The following CNTNAP5 variants were observed in gnomAD, a reference collection of about 807,000 sequenced individuals.
CNTNAP5 encodes the protein contactin-associated protein-like 5.
CNTNAP5 carries 72 observed loss-of-function variants against 150.2 expected under a neutral mutation model. That is an observed-to-expected ratio of 0.48 (90% CI 0.40 to 0.58). The LOEUF (loss-of-function observed/expected upper bound fraction) is 0.58. Among genes scored for constraint, CNTNAP5 ranks in the 20% least tolerant of loss-of-function variants. CNTNAP5 has a pLI of 0.00. For synonymous variants in CNTNAP5, 672 were observed against 619.8 expected (o/e 1.08, Z -1.25); for missense variants, 1,636 against 1,626.2 (o/e 1.01, Z -0.10).
chr2:124,093,185 G>T (rs574155325), intron 1 of CNTNAP5, among the ~76,000 whole-genome samples: 26 of 152,304 alleles, frequency 1.7e-4, no homozygotes, highest in Admixed American at 1.3e-4. Flanking sequence ...GGCTTGTGGA[G>T]CTGACAACCT....
intron 3 of CNTNAP5, among the ~76,000 whole-genome samples, chr2:124,319,728 C>T (rs1397122857): frequency 6.6e-6 from 1 of 152,124 alleles, no homozygotes; most frequent in Non-Finnish European, 1.5e-5. Flanking sequence ...CATCACTAGC[C>T]TCTACCCACT....
intron 2 of CNTNAP5, among the ~76,000 whole-genome samples, chr2:124,222,241 G>C (rs115279068): frequency 6.6e-6 from 1 of 151,918 alleles, no homozygotes; most frequent in African/African-American, 2.4e-5. Context: ...ACTATTAATT[G>C]AAAGTAAGAA....
At chr2:124,122,009 G>A (rs568266305) in intron 1 of CNTNAP5, among the ~76,000 whole-genome samples, 1 of 152,278 alleles carries the variant, frequency 6.6e-6, no homozygotes, top group South Asian at 2.1e-4. Flanking sequence ...GCATTCTACT[G>A]GAGGTTTCAT....
chr2:124,477,503 G>T (rs1449511957), intron 7 of CNTNAP5, among the ~76,000 whole-genome samples: 1 of 152,044 alleles, frequency 6.6e-6, no homozygotes, highest in East Asian at 1.9e-4. Flanking sequence ...TGATGCTAGG[G>T]AGGGATTAAT....
chr2:124,814,482 G>GT (rs1159977577), intron 19 of CNTNAP5, among the ~76,000 whole-genome samples: 1 of 152,038 alleles, frequency 6.6e-6, no homozygotes, highest in East Asian at 1.9e-4. Flanking sequence ...CTAGCACAAT[G>GT]TGGGGGCCCA....
chr2:124,904,073 A>C (rs981817058), intron 22 of CNTNAP5, among the ~76,000 whole-genome samples: 1 of 151,052 alleles, frequency 6.6e-6, no homozygotes, highest in Non-Finnish European at 1.5e-5. Flanking sequence ...AACAAAAAAA[A>C]AAAAACCAAA....
rs181270679 is a variant in CNTNAP5 at position 124,796,321 on chromosome 2, A to G, written c.2993-1775A>G. Among the ~76,000 whole-genome samples, 150 of 152,264 alleles carry G rather than the reference A, an allele frequency of 9.9e-4. 1 individual carries two copies. The highest frequency in any genetic ancestry group is 3.3e-3 in the African/African-American group (139 of 41,544). On this transcript the variant is annotated intron_variant, in intron 18 of 23. Transcript: ENST00000682447. Reference sequence around the variant, plus strand: ...ATGCTCTGAATTTTACTTCCATTTAAGCACACACACAAATATCAAATAAAA... The same window carrying G: ...ATGCTCTGAATTTTACTTCCATTTAGGCACACACACAAATATCAAATAAAA...
At chr2:124,888,774 C>T (rs994172193) in intron 21 of CNTNAP5, among the ~76,000 whole-genome samples, 2 of 150,570 alleles carry the variant, frequency 1.3e-5, no homozygotes, top group East Asian at 1.9e-4. Flanking sequence ...GTCCTTTGCC[C>T]TTTTTTTTTA....
At chr2:124,463,505 C>T (rs77995555) in intron 6 of CNTNAP5, among the ~76,000 whole-genome samples, 2,688 of 152,214 alleles carry the variant, frequency 0.018, 72 homozygotes, top group African/African-American at 0.056. Flanking sequence ...GCAGAAAATA[C>T]GAGGAGCTGA....
intron 21 of CNTNAP5, among the ~76,000 whole-genome samples, chr2:124,899,131 A>G (rs1678365887): frequency 6.6e-6 from 1 of 151,540 alleles, no homozygotes; most frequent in African/African-American, 2.4e-5. Flanking sequence ...ATATCAAAAC[A>G]TCATGTTGTG....
intron 12 of CNTNAP5, among the ~76,000 whole-genome samples, chr2:124,617,593 C>T (rs945071100): frequency 2.6e-5 from 4 of 152,038 alleles, no homozygotes; most frequent in African/African-American, 9.7e-5. Flanking sequence ...TTAAGCCCAC[C>T]CTAATGGAGT....
intron 1 of CNTNAP5, among the ~76,000 whole-genome samples, chr2:124,027,084 T>C (rs1680912735): frequency 6.6e-6 from 1 of 152,228 alleles, no homozygotes; most frequent in African/African-American, 2.4e-5. Flanking sequence ...GGGATCATCC[T>C]CTCTAAGGGA....
chr2:124,094,693 C>G (rs870480), intron 1 of CNTNAP5, among the ~76,000 whole-genome samples: 14,913 of 151,846 alleles, frequency 0.098, 829 homozygotes, highest in Non-Finnish European at 0.13. Flanking sequence ...TTTTTCTTTT[C>G]TAAATTGCTA....
chr2:124,354,819 A>G (rs1689957442), intron 3 of CNTNAP5, among the ~76,000 whole-genome samples: 1 of 152,076 alleles, frequency 6.6e-6, no homozygotes, highest in South Asian at 2.1e-4. Context: ...TTATTTTTCT[A>G]ATTTAAAAAT....
chr2:124,419,153 A>AAAACAAAAAC lies in CNTNAP5; in HGVS notation c.529+1566_529+1567insCAAAAACAAA, dbSNP rs1553466546. Among the ~76,000 whole-genome samples the AAAACAAAAAC allele has an allele frequency of 3.0e-4, 23 of 76,422 alleles. 2 individuals carry two copies. Among genetic ancestry groups the AAAACAAAAAC allele is most frequent in the Admixed American group, 1.4e-3 (9 of 6,340 alleles). The allele number at this position is 76,422 out of a possible 152,430, so 50.1% of individuals were successfully genotyped here. A position where few individuals can be genotyped will look rare whatever the true frequency, so the allele number is the denominator to read the frequency against. Reference sequence around the variant, plus strand: ...GAGACTCCTTCTCAAAAAAAAAAAAAAAAAAAAAAACAGTATGAAGCTTTT... The same window carrying AAAACAAAAAC: ...GAGACTCCTTCTCAAAAAAAAAAAAAAAACAAAAACAAAAAAAAAACAGTATGAAGCTTTT... On this transcript the variant is annotated intron_variant, in intron 4 of 23. Transcript: ENST00000682447.
chr2:124,319,094 G>A (rs1475741228), intron 3 of CNTNAP5, among the ~76,000 whole-genome samples: 1 of 152,204 alleles, frequency 6.6e-6, no homozygotes, highest in Non-Finnish European at 1.5e-5. Flanking sequence ...GCTACACTCC[G>A]TTTTCCTCTC....
At chr2:124,105,120 C>T (rs935635947) in intron 1 of CNTNAP5, among the ~76,000 whole-genome samples, 3 of 152,132 alleles carry the variant, frequency 2.0e-5, no homozygotes, top group African/African-American at 4.8e-5. Context: ...CTGCACCTTG[C>T]TTTTCCACTT....
At chr2:124,096,226 T>G (rs1051311187) in intron 1 of CNTNAP5, among the ~76,000 whole-genome samples, 1 of 152,234 alleles carries the variant, frequency 6.6e-6, no homozygotes, top group African/African-American at 2.4e-5. Context: ...AGTTCCCATT[T>G]GTGCTTAGAT....
chr2:124,235,938 C>CATTT (rs1558813383), intron 2 of CNTNAP5, among the ~76,000 whole-genome samples: 2 of 126,018 alleles, frequency 1.6e-5, no homozygotes, highest in African/African-American at 6.8e-5. Flanking sequence ...GGCAAGTTCC[C>CATTT]ACTTATTTAT....
Sources: gnomAD v4.1 joint callset for allele counts (sites outside exome capture counted in the v4.1 genomes callset) on GRCh38, gnomAD v4.1.1 for gene constraint, MANE v1.5 for transcripts, NCBI Gene and HGNC (gene_info 2026-07-23, HGNC 2026-07-21) for gene names.